Variants in LGR6 observed in about 807,000 individuals in gnomAD.
LGR6 encodes the protein leucine-rich repeat-containing G protein-coupled receptor 6.
In LGR6, 45 loss-of-function variants were observed where a neutral mutation model predicts 69.4. The ratio of observed to expected loss-of-function variants is 0.65; its 90% CI spans 0.51 to 0.83. LGR6 has a LOEUF of 0.83. LGR6 is among the 40% of genes least tolerant of loss of function. The pLI, the probability that LGR6 is intolerant of heterozygous loss-of-function variation, is 0.00. For synonymous variants in LGR6, 538 were observed against 555.0 expected (o/e 0.97, Z 0.43); for missense variants, 1,108 against 1,246.7 (o/e 0.89, Z 1.68).
chr1:202,311,029 G>T lies in LGR6; in HGVS notation c.1567+672G>T, dbSNP rs1392105518. ...ATGTTGGAGGCAGGCAGCCAAGGGG[G>T]TTCTGAGGGATCATTTACTAAGTGG... On this transcript the variant is annotated intron_variant, in intron 16 of 17. Transcript: ENST00000367278. 8.5e-5 allele frequency among the ~76,000 whole-genome samples: 13 copies of T among 152,084 alleles called. No individual in the cohort carries two copies. In the East Asian group the frequency reaches 2.5e-3, roughly 30 times the overall value.
At chr1:202,201,619 A>T (rs547540175) in intron 1 of LGR6, among the ~76,000 whole-genome samples, 2 of 152,202 alleles carry the variant, frequency 1.3e-5, no homozygotes, top group South Asian at 4.2e-4. Flanking sequence ...CCCACAGCTG[A>T]GGGGTTTCCA....
chr1:202,248,066 C>T (rs1662888651), intron 4 of LGR6, among the ~76,000 whole-genome samples: 2 of 152,222 alleles, frequency 1.3e-5, no homozygotes, highest in South Asian at 4.1e-4. Context: ...GTCTGCCAGC[C>T]ACTCGCTGGA....
chr1:202,228,529 T>C (rs1660749356), intron 3 of LGR6, among the ~76,000 whole-genome samples: 1 of 152,168 alleles, frequency 6.6e-6, no homozygotes, highest in Non-Finnish European at 1.5e-5. Flanking sequence ...CTTTACCTAT[T>C]CCCTTTGAAG....
At chr1:202,207,138 A>G (rs1469652374) in intron 1 of LGR6, among the ~76,000 whole-genome samples, 1 of 152,060 alleles carries the variant, frequency 6.6e-6, no homozygotes, top group Non-Finnish European at 1.5e-5. Flanking sequence ...GCTGGTCTCG[A>G]ACTCCTGACC....
At chr1:202,219,455 A>G (rs1012608255) in intron 1 of LGR6, among the ~76,000 whole-genome samples, 1 of 152,314 alleles carries the variant, frequency 6.6e-6, no homozygotes. Flanking sequence ...CCTCACTTTA[A>G]CTTCTCTAGA....
In LGR6 at chr1:202,217,489, T is replaced by C. The variant is rs747704076; in HGVS notation, c.213-7934T>C. On this transcript the variant is annotated intron_variant, in intron 1 of 17. Transcript: ENST00000367278. ...ACAAAAAACCCCACCTTTTTGTTTC[T>C]CTCCCCTGACTTTTAGGAATGTCTT... Among the ~76,000 whole-genome samples the C allele has an allele frequency of 2.2e-4, 34 of 152,164 alleles. 1 individual carries two copies. In the Middle Eastern group the frequency reaches 0.01, roughly 46 times the overall value.
At chr1:202,252,211 C>A (rs1318364631) in intron 4 of LGR6, among the ~76,000 whole-genome samples, 1 of 152,108 alleles carries the variant, frequency 6.6e-6, no homozygotes, top group Non-Finnish European at 1.5e-5. Context: ...CCCTTTCTTC[C>A]CCCTACCTCC....
chr1:202,314,684 T>A (rs1212561563), intron 16 of LGR6, 118 bp from the exon 17 acceptor site: 12 of 717,710 alleles, frequency 1.7e-5, no homozygotes, highest in Non-Finnish European at 2.8e-5. Flanking sequence ...GTTGCTAGAA[T>A]GAACAGTGCT....
chr1:202,281,852 C>T (rs779913132), intron 6 of LGR6, among the ~76,000 whole-genome samples: 10 of 151,954 alleles, frequency 6.6e-5, no homozygotes, highest in South Asian at 2.1e-4. Flanking sequence ...TTCAAGAATC[C>T]GAAGCAGCAG....
intron 1 of LGR6, among the ~76,000 whole-genome samples, chr1:202,222,742 C>T (rs1368055783): frequency 1.3e-5 from 2 of 152,128 alleles, no homozygotes; most frequent in South Asian, 2.1e-4. Flanking sequence ...CCTGCACCTT[C>T]GCATTTCAGC....
intron 6 of LGR6, among the ~76,000 whole-genome samples, chr1:202,284,904 A>G (rs1353998707): frequency 6.6e-6 from 1 of 152,148 alleles, no homozygotes; most frequent in Admixed American, 6.5e-5. Flanking sequence ...GGGCCTTGTT[A>G]TAACCTCACT....
intron 1 of LGR6, among the ~76,000 whole-genome samples, chr1:202,199,445 G>A (rs1311731296): frequency 6.6e-6 from 1 of 152,214 alleles, no homozygotes; most frequent in Non-Finnish European, 1.5e-5. Flanking sequence ...GCAGGAAACA[G>A]CCCTAGGCAA....
At chr1:202,298,347 G>A (rs974155097) in intron 7 of LGR6, among the ~76,000 whole-genome samples, 1 of 152,092 alleles carries the variant, frequency 6.6e-6, no homozygotes, top group African/African-American at 2.4e-5. Flanking sequence ...GAAATTGTAG[G>A]TAAAGACCCA....
rs80309491 is a variant in LGR6 at position 202,297,085 on chromosome 1, C to T, written c.717-423C>T. Among the ~76,000 whole-genome samples the T allele has an allele frequency of 6.1e-3, 932 of 152,268 alleles. 6 individuals carry two copies. Among genetic ancestry groups the T allele is most frequent in the African/African-American group, 0.022 (900 of 41,534 alleles). The stretch of plus-strand genomic sequence containing the variant: ...CTATAGAGGATAACAGCAAAGACCA[C>T]GGATGGAGACCACAGTGGTCACCTG... On this transcript the variant is annotated intron_variant, in intron 6 of 17. Coordinates refer to ENST00000367278, the MANE Select transcript of LGR6 (RefSeq NM_001017403.2).
At chr1:202,248,238 C>T (rs1047512206) in intron 4 of LGR6, among the ~76,000 whole-genome samples, 4 of 152,200 alleles carry the variant, frequency 2.6e-5, no homozygotes, top group African/African-American at 9.6e-5. Context: ...GTCCAACTGA[C>T]TCTTTTACAG....
At chr1:202,258,724 T>C (rs184031832) in intron 4 of LGR6, among the ~76,000 whole-genome samples, 2 of 152,186 alleles carry the variant, frequency 1.3e-5, no homozygotes, top group Admixed American at 1.3e-4. Context: ...TCTTAAGGCT[T>C]TATCATTGAT....
rs1653510949 is a variant in LGR6 at position 202,309,139 on chromosome 1, T to C, written c.1369T>C (p.Ser457Pro). ...GAAGCTCAAAGGGAACCTTGCTCTCTCCCAGGCCTTCTCCAAGGACAGTTT... is the reference window on the plus strand; with the variant it reads ...GAAGCTCAAAGGGAACCTTGCTCTCCCCCAGGCCTTCTCCAAGGACAGTTT... ...HLKLKGNLAL[S>P]QAFSKDSFPK... The change falls in exon 15 of 18, where the codon TCC (serine) becomes CCC (proline). Residue 457 changes from serine to proline, a missense_variant. Ser to Pro is a moderately conservative substitution (Grantham distance 74). Transcript: ENST00000367278. 2 of 1,614,136 alleles carry C rather than the reference T, an allele frequency of 1.2e-6. No homozygotes were observed. Among genetic ancestry groups the C allele is most frequent in the Non-Finnish European group, 1.7e-6 (2 of 1,180,000 alleles).
chr1:202,239,693 A>G (rs954620327), intron 4 of LGR6, among the ~76,000 whole-genome samples: 3 of 152,158 alleles, frequency 2.0e-5, no homozygotes, highest in Admixed American at 6.5e-5. Flanking sequence ...GGAGAAGCAG[A>G]CAAACTAGAA....
chr1:202,280,360 T>C (rs767177687), intron 5 of LGR6, among the ~76,000 whole-genome samples: 3 of 152,178 alleles, frequency 2.0e-5, no homozygotes, highest in Non-Finnish European at 4.4e-5. Flanking sequence ...TTTAATTATA[T>C]GTTGACTGCA....
Sources: gnomAD v4.1 joint callset for allele counts (sites outside exome capture counted in the v4.1 genomes callset) on GRCh38, gnomAD v4.1.1 for gene constraint, MANE v1.5 for transcripts, NCBI Gene and HGNC (gene_info 2026-07-23, HGNC 2026-07-21) for gene names.